TBC1D1: variants seen among roughly 807,000 people sequenced by gnomAD.
TBC1D1 encodes the protein TBC1 domain family member 1, also known as TBC1 (tre-2/USP6, BUB2, cdc16) domain family, member 1.
In TBC1D1, 89 loss-of-function variants were observed where a neutral mutation model predicts 125.6. That is an observed-to-expected ratio of 0.71 (90% CI 0.60 to 0.85). The LOEUF (loss-of-function observed/expected upper bound fraction) is 0.85, where lower values mean the gene tolerates loss of function less well. TBC1D1 is among the 40% of genes least tolerant of loss of function. The pLI, the probability that TBC1D1 is intolerant of heterozygous loss-of-function variation, is 0.00. For missense variants in TBC1D1, 1,377 were observed against 1,469.2 expected (o/e 0.94, Z 1.03); for synonymous variants, 565 against 564.1 (o/e 1.00, Z -0.02).
At chr4:38,107,385 C>T (rs1761498229) in intron 15 of TBC1D1, among the ~76,000 whole-genome samples, 1 of 152,246 alleles carries the variant, frequency 6.6e-6, no homozygotes, top group South Asian at 2.1e-4. Context: ...TACACCATGG[C>T]TACCTCAAGG....
intron 2 of TBC1D1, among the ~76,000 whole-genome samples, chr4:38,005,523 G>A (rs2152413167): frequency 6.6e-6 from 1 of 152,184 alleles, no homozygotes; most frequent in East Asian, 1.9e-4. Context: ...TGATCCCCTA[G>A]CCTGGCTTCT....
intron 2 of TBC1D1, among the ~76,000 whole-genome samples, chr4:38,004,898 T>C (rs1006033484): frequency 3.9e-5 from 6 of 152,238 alleles, no homozygotes; most frequent in African/African-American, 1.4e-4. Context: ...AACATGAATA[T>C]TTGTTTTCCT....
intron 12 of TBC1D1, among the ~76,000 whole-genome samples, chr4:38,056,090 A>G (rs1237645493): frequency 2.6e-5 from 4 of 152,228 alleles, no homozygotes; most frequent in Non-Finnish European, 5.9e-5. Flanking sequence ...TTTTCAAACG[A>G]GCATTCACAG....
intron 2 of TBC1D1, among the ~76,000 whole-genome samples, chr4:37,963,833 C>G (rs1730533769): frequency 6.6e-6 from 1 of 152,186 alleles, no homozygotes; most frequent in Admixed American, 6.5e-5. Flanking sequence ...TCGGACTCTA[C>G]TCCCTTGTAG....
Position 38,138,775 on chromosome 4 carries a change from C to T in TBC1D1, c.*1440C>T, listed in dbSNP as rs1767002545. On this transcript the variant is annotated 3_prime_UTR_variant, in exon 20 of 20. Transcript: ENST00000261439. Reference sequence around the variant, plus strand: ...TTCCATAGGAGTTTCTTTTGATTCTCTCAGTTGCGGGGGGCATCTCTTAAT... The same window carrying T: ...TTCCATAGGAGTTTCTTTTGATTCTTTCAGTTGCGGGGGGCATCTCTTAAT... 1 of 119,032 alleles carries T rather than the reference C, an allele frequency of 8.4e-6. No individual in the cohort carries two copies. The highest frequency in any genetic ancestry group is 1.7e-5 in the Non-Finnish European group (1 of 57,718). 7.4% of individuals were successfully genotyped at this position (119,032 alleles called of 1,614,324 possible). A position where few individuals can be genotyped will look rare whatever the true frequency, so the allele number is the denominator to read the frequency against.
intron 13 of TBC1D1, among the ~76,000 whole-genome samples, chr4:38,092,986 A>G (rs182421973): frequency 3.5e-4 from 53 of 152,284 alleles, no homozygotes; most frequent in Middle Eastern, 3.4e-3. Flanking sequence ...CCACACAGAC[A>G]TGAAGAGAAC....
At chr4:37,965,027 G>A (rs1730808970) in intron 2 of TBC1D1, among the ~76,000 whole-genome samples, 1 of 152,236 alleles carries the variant, frequency 6.6e-6, no homozygotes, top group Admixed American at 6.5e-5. Context: ...ATGCTGACAG[G>A]TGGTCTACGC....
intron 17 of TBC1D1, among the ~76,000 whole-genome samples, chr4:38,122,917 C>T (rs1354504599): frequency 1.3e-5 from 2 of 152,212 alleles, no homozygotes; most frequent in African/African-American, 2.4e-5. Flanking sequence ...ACCACCCTCT[C>T]CCCTCCAAAT....
intron 10 of TBC1D1, among the ~76,000 whole-genome samples, chr4:38,046,879 C>G (rs1324852788): frequency 1.3e-5 from 2 of 152,134 alleles, no homozygotes; most frequent in Non-Finnish European, 2.9e-5. Flanking sequence ...CCAGAGGACT[C>G]TCTTTGGCAG....
chr4:37,996,106 C>T (rs1391172003), intron 2 of TBC1D1: 1 of 503,882 alleles, frequency 2.0e-6, no homozygotes, highest in East Asian at 5.5e-5. Flanking sequence ...TGGCAAGAAT[C>T]TGTAGAGGAA....
intron 2 of TBC1D1, among the ~76,000 whole-genome samples, chr4:37,942,739 A>G (rs1391601366): frequency 6.6e-6 from 1 of 151,970 alleles, no homozygotes; most frequent in Non-Finnish European, 1.5e-5. Context: ...ACGGGGTTTC[A>G]CCATGTTAGC....
At chr4:37,960,761 C>T (rs762954925) in intron 2 of TBC1D1, 80 of 1,613,996 alleles carry the variant, frequency 5.0e-5, no homozygotes, top group Non-Finnish European at 5.9e-5. Context: ...CCTCAGATGA[C>T]GCCTATCCAG....
chr4:38,002,618 A>G (rs1006182), intron 2 of TBC1D1, among the ~76,000 whole-genome samples: 7,390 of 152,342 alleles, frequency 0.049, 190 homozygotes, highest in African/African-American at 0.073. Context: ...TATGCCAGAC[A>G]GTGTACTAGG....
chr4:37,938,408 C>G (rs1724837264), intron 2 of TBC1D1, among the ~76,000 whole-genome samples: 1 of 152,120 alleles, frequency 6.6e-6, no homozygotes. Context: ...GAAGCAGTGC[C>G]TAGGTGCGCC....
intron 2 of TBC1D1, among the ~76,000 whole-genome samples, chr4:37,919,194 G>A (rs1463941025): frequency 6.6e-6 from 1 of 151,904 alleles, no homozygotes; most frequent in African/African-American, 2.4e-5. Context: ...TTGGGATGAA[G>A]TCTCACTGTG....
intron 2 of TBC1D1, among the ~76,000 whole-genome samples, chr4:37,904,728 C>G (rs1336141517): frequency 6.6e-6 from 1 of 152,192 alleles, no homozygotes; most frequent in Non-Finnish European, 1.5e-5. Flanking sequence ...TTTGCAAACA[C>G]AAATTGTCAT....
intron 12 of TBC1D1, among the ~76,000 whole-genome samples, chr4:38,062,627 C>T (rs1362864116): frequency 7.0e-6 from 1 of 143,644 alleles, no homozygotes; most frequent in Admixed American, 7.1e-5. Context: ...ACCCACCCTG[C>T]GCCGCCCCCA....
At chr4:37,906,446 C>A (rs58798777) in intron 2 of TBC1D1, among the ~76,000 whole-genome samples, 30,286 of 152,138 alleles carry the variant, frequency 0.2, 3,368 homozygotes, top group East Asian at 0.27. Context: ...CCACACCTGG[C>A]CTCATCCTTT....
chr4:37,944,907 C>A (rs995605213), intron 2 of TBC1D1, among the ~76,000 whole-genome samples: 4 of 152,202 alleles, frequency 2.6e-5, no homozygotes, highest in African/African-American at 7.2e-5. Flanking sequence ...ATGCAGAAAT[C>A]ACCCGTCTTC....
Sources: allele counts gnomAD v4.1 joint callset (sites outside exome capture counted in the v4.1 genomes callset), GRCh38; gene constraint gnomAD v4.1.1; transcripts MANE v1.5; gene names NCBI Gene and HGNC (gene_info 2026-07-23, HGNC 2026-07-21).